The following ANO5 variants were observed in gnomAD, a reference collection of about 807,000 sequenced individuals.
The protein encoded by ANO5 is anoctamin-5.
ANO5 carries 109 observed loss-of-function variants against 121.0 expected under a neutral mutation model. The observed-to-expected ratio is 0.90, with a 90% CI of 0.77 to 1.06. The LOEUF (loss-of-function observed/expected upper bound fraction) is 1.06. Ranked by LOEUF, ANO5 falls within the 50% of genes least tolerant of loss-of-function variation. ANO5 has a pLI of 0.00. For synonymous variants in ANO5, 406 were observed against 359.9 expected (o/e 1.13, Z -1.45); for missense variants, 1,064 against 1,078.5 (o/e 0.99, Z 0.19).
intron 17 of ANO5, among the ~76,000 whole-genome samples, chr11:22,268,787 G>A (rs2133770370): frequency 6.6e-6 from 1 of 152,224 alleles, no homozygotes; most frequent in African/African-American, 2.4e-5. Context: ...AGGCTGAGGA[G>A]GGAGGATTGC....
At chr11:22,205,563 AAAATAAAAT>A (rs869087712) in intron 2 of ANO5, among the ~76,000 whole-genome samples, 1 of 140,694 alleles carries the variant, frequency 7.1e-6, no homozygotes. Flanking sequence ...AAAATAAAAT[AAAATAAAAT>A]AAATAAAAGG....
In ANO5 at chr11:22,239,566, C is replaced by T. The variant is rs756702010; in HGVS notation, c.763-3C>T. On this transcript the variant is annotated splice_region_variant and splice_polypyrimidine_tract_variant and intron_variant, in intron 8 of 21. Coordinates refer to ENST00000324559, the MANE Select transcript of ANO5 (RefSeq NM_213599.3). Reference sequence around the variant, plus strand: ...TATGTACCCTCCTCTTGAATATCTGCAGGGCCAATATTGGAAGCCATCAGA... The same window carrying T: ...TATGTACCCTCCTCTTGAATATCTGTAGGGCCAATATTGGAAGCCATCAGA... 8.1e-6 allele frequency: 13 copies of T among 1,601,246 alleles called. No homozygotes were observed. The East Asian group carries it at 2.0e-4, about 25-fold the overall frequency.
At chr11:22,254,217 G>A (rs1302941751) in intron 12 of ANO5, among the ~76,000 whole-genome samples, 1 of 152,116 alleles carries the variant, frequency 6.6e-6, no homozygotes, top group East Asian at 1.9e-4. Flanking sequence ...TTAGATGACT[G>A]TAATGATAAA....
At chr11:22,200,752 A>G (rs1851942100) in intron 1 of ANO5, among the ~76,000 whole-genome samples, 1 of 152,208 alleles carries the variant, frequency 6.6e-6, no homozygotes, top group African/African-American at 2.4e-5. Flanking sequence ...AACTTTAAAT[A>G]CAAAATAAAA....
chr11:22,232,895 T>C (rs1853087103), intron 7 of ANO5, among the ~76,000 whole-genome samples: 1 of 152,038 alleles, frequency 6.6e-6, no homozygotes, highest in South Asian at 2.1e-4. Flanking sequence ...CTGAGTTCTG[T>C]AGTCCCTTAA....
intron 6 of ANO5, among the ~76,000 whole-genome samples, chr11:22,226,350 T>C (rs1852832651): frequency 6.6e-6 from 1 of 152,144 alleles, no homozygotes; most frequent in South Asian, 2.1e-4. Flanking sequence ...GCCTATAATC[T>C]GGTACCCTAA....
intron 7 of ANO5, among the ~76,000 whole-genome samples, chr11:22,228,987 C>T (rs1852941851): frequency 1.3e-5 from 2 of 151,902 alleles, no homozygotes; most frequent in Non-Finnish European, 2.9e-5. Context: ...TCCCTTTAGG[C>T]ATATACCCAG....
intron 9 of ANO5, among the ~76,000 whole-genome samples, chr11:22,240,208 C>T (rs1853383701): frequency 6.6e-6 from 1 of 151,924 alleles, no homozygotes; most frequent in African/African-American, 2.4e-5. Flanking sequence ...GCTGTGAAGA[C>T]ATTTGTTCTA....
intron 6 of ANO5, 79 bp downstream of exon 6, chr11:22,226,131 A>C: frequency 1.6e-6 from 2 of 1,213,788 alleles, no homozygotes; most frequent in Non-Finnish European, 2.4e-6. Context: ...GCCTGGATAG[A>C]CTCTGTGTTT....
chr11:22,268,630 G>A (rs1426795444), intron 17 of ANO5, among the ~76,000 whole-genome samples: 3 of 151,814 alleles, frequency 2.0e-5, no homozygotes, highest in Non-Finnish European at 4.4e-5. Flanking sequence ...TATTTTACTG[G>A]CTAAGATCTC....
At position 22,227,639 on chromosome 11, in the gene ANO5, G is replaced by A. The variant is rs1852889219; in HGVS notation, c.648+53G>A. On this transcript the variant is annotated intron_variant, in intron 7 of 21. Transcript: ENST00000324559. ...CCCTTCAAATACGAGATGTATGCTT[G>A]TGTGTGCTTTTATACATGTGCAGAT... 7.5e-6 allele frequency: 12 copies of A among 1,590,934 alleles called. 1 individual carries two copies. In the South Asian group the frequency reaches 1.3e-4, roughly 18 times the overall value.
rs1240105849 is a variant in ANO5, at chr11:22,280,801, T to C, written c.*1036T>C. On this transcript the variant is annotated 3_prime_UTR_variant, in exon 22 of 22. Transcript: ENST00000324559. ...ATCATCTTATACAATGCTCAGTGCC[T>C]TGTTCCAATACCTCTGACACACAAG... The C allele has an allele frequency of 6.6e-6, 1 of 151,982 alleles. No individual in the cohort carries two copies. The highest frequency in any genetic ancestry group is 1.9e-4 in the East Asian group (1 of 5,194). The allele number at this position is 151,982 out of a possible 1,614,324, so 9.4% of individuals were successfully genotyped here.
At chr11:22,276,956 T>G (rs1854876057) in intron 21 of ANO5, among the ~76,000 whole-genome samples, 1 of 151,536 alleles carries the variant, frequency 6.6e-6, no homozygotes. Context: ...ACATGTAATT[T>G]TAAAAATCAA....
intron 2 of ANO5, among the ~76,000 whole-genome samples, chr11:22,208,694 A>G (rs1457153571): frequency 6.6e-6 from 1 of 151,890 alleles, no homozygotes; most frequent in African/African-American, 2.4e-5. Flanking sequence ...TGATTATGAT[A>G]TTTTACTGTG....
At chr11:22,197,063 G>A (rs1243949938) in intron 1 of ANO5, among the ~76,000 whole-genome samples, 1 of 152,056 alleles carries the variant, frequency 6.6e-6, no homozygotes, top group Non-Finnish European at 1.5e-5. Flanking sequence ...TTTTGTATGT[G>A]CTTTCTAAAT....
intron 9 of ANO5, among the ~76,000 whole-genome samples, chr11:22,249,441 G>T (rs1051835564): frequency 1.3e-5 from 2 of 152,142 alleles, no homozygotes; most frequent in African/African-American, 4.8e-5. Context: ...TCACAGATTT[G>T]GTGAGCTGGG....
chr11:22,210,738 T>G (rs34415387), intron 2 of ANO5, among the ~76,000 whole-genome samples: 2,749 of 152,086 alleles, frequency 0.018, 50 homozygotes, highest in Non-Finnish European at 0.029. Context: ...ATGTATGGCT[T>G]TTTTTGAAGA....
At chr11:22,253,765 A>T (rs961321248) in intron 12 of ANO5, among the ~76,000 whole-genome samples, 15 of 152,190 alleles carry the variant, frequency 9.9e-5, no homozygotes, top group Admixed American at 7.9e-4. Flanking sequence ...CTACTTTCGT[A>T]GAAGTGCATT....
chr11:22,193,076 G>A (rs866402231), upstream of ANO5: 1 of 1,059,322 alleles, frequency 9.4e-7, no homozygotes, highest in African/African-American at 1.7e-5. Flanking sequence ...GCTGCCAGAG[G>A]GCAGGAGTGG....
Sources: gnomAD v4.1 joint callset for allele counts (sites outside exome capture counted in the v4.1 genomes callset) on GRCh38, gnomAD v4.1.1 for gene constraint, MANE v1.5 for transcripts, NCBI Gene and HGNC (gene_info 2026-07-23, HGNC 2026-07-21) for gene names.